The following AGBL4 variants were observed in gnomAD, a reference collection of about 807,000 sequenced individuals.
The protein encoded by AGBL4 is AGBL carboxypeptidase 4.
AGBL4 carries 58 observed loss-of-function variants against 66.4 expected under a neutral mutation model. The ratio of observed to expected loss-of-function variants is 0.87; its 90% CI spans 0.71 to 1.09. The LOEUF is 1.09. Ranked by LOEUF, AGBL4 falls within the 50% of genes least tolerant of loss-of-function variation. The probability of loss-of-function intolerance (pLI) is 0.00; values close to 1 mark genes in which losing one functional copy is unlikely to be tolerated. For synonymous variants in AGBL4, 234 were observed against 222.9 expected, an observed-to-expected ratio of 1.05 and a Z score of -0.44; for missense variants, 579 against 631.0, an observed-to-expected ratio of 0.92 and a Z score of 0.88.
chr1:49,039,307 CA>C (rs1664917095), intron 5 of AGBL4, among the ~76,000 whole-genome samples: 1 of 152,026 alleles, frequency 6.6e-6, no homozygotes, highest in Non-Finnish European at 1.5e-5. Context: ...GTACAACACC[CA>C]GAGTGAACTC....
At chr1:49,093,300 C>T (rs1645033242) in intron 4 of AGBL4, among the ~76,000 whole-genome samples, 1 of 152,254 alleles carries the variant, frequency 6.6e-6, no homozygotes, top group East Asian at 1.9e-4. Context: ...GAAAACAACA[C>T]AACGCATCTT....
chr1:49,388,170 T>A (rs1570593110), intron 3 of AGBL4, among the ~76,000 whole-genome samples: 1 of 152,154 alleles, frequency 6.6e-6, no homozygotes, highest in Admixed American at 6.6e-5. Context: ...TAATCATTTT[T>A]AAATTCTAAT....
At chr1:49,742,040 G>C (rs1342607723) in intron 2 of AGBL4, among the ~76,000 whole-genome samples, 1 of 152,208 alleles carries the variant, frequency 6.6e-6, no homozygotes, top group Non-Finnish European at 1.5e-5. Context: ...AGTGTTGGAA[G>C]TTCTGGCCAG....
intron 3 of AGBL4, among the ~76,000 whole-genome samples, chr1:49,371,218 T>C (rs61783595): frequency 0.027 from 3,972 of 149,344 alleles, 151 homozygotes; most frequent in Admixed American, 0.12. Context: ...AGAAGATAGA[T>C]AGATAGATAT....
intron 3 of AGBL4, among the ~76,000 whole-genome samples, chr1:49,367,922 C>A (rs774684080): frequency 3.3e-5 from 5 of 152,114 alleles, no homozygotes; most frequent in Admixed American, 6.5e-5. Context: ...TTCCTCATCG[C>A]CCCCACTCCT....
chr1:49,709,029 G>A (rs554661082), intron 2 of AGBL4, among the ~76,000 whole-genome samples: 12 of 152,292 alleles, frequency 7.9e-5, no homozygotes, highest in Admixed American at 2.0e-4. Context: ...CAGGAGGCAC[G>A]GTGGTCAGGG....
At chr1:49,407,982 G>A (rs756757633) in intron 3 of AGBL4, among the ~76,000 whole-genome samples, 5 of 152,176 alleles carry the variant, frequency 3.3e-5, no homozygotes, top group Non-Finnish European at 5.9e-5. Flanking sequence ...GGCTAACCCT[G>A]CTCCCAGGTT....
intron 3 of AGBL4, among the ~76,000 whole-genome samples, chr1:49,562,082 G>GT (rs1178878408): frequency 6.6e-6 from 1 of 152,132 alleles, no homozygotes. Flanking sequence ...TTTTTCAGGT[G>GT]TTTTTTGGCT....
At chr1:49,577,110 T>C (rs1010602894) in intron 3 of AGBL4, among the ~76,000 whole-genome samples, 1 of 152,118 alleles carries the variant, frequency 6.6e-6, no homozygotes, top group African/African-American at 2.4e-5. Context: ...ACAAAGAAAT[T>C]TGGGGACAAG....
chr1:48,812,296 G>T (rs552300131), intron 6 of AGBL4, among the ~76,000 whole-genome samples: 1 of 152,276 alleles, frequency 6.6e-6, no homozygotes, highest in South Asian at 2.1e-4. Flanking sequence ...GGGAGAGGAT[G>T]AGTATGATTT....
intron 11 of AGBL4, among the ~76,000 whole-genome samples, chr1:48,550,928 C>T (rs1420084528): frequency 6.6e-6 from 1 of 152,202 alleles, no homozygotes; most frequent in Non-Finnish European, 1.5e-5. Flanking sequence ...ACATAGTAAA[C>T]CTGCTCCTCC....
chr1:48,953,818 G>T (rs1433550934), intron 5 of AGBL4, among the ~76,000 whole-genome samples: 1 of 152,164 alleles, frequency 6.6e-6, no homozygotes, highest in African/African-American at 2.4e-5. Context: ...AAAGAGACGG[G>T]CTGCTAACTG....
intron 4 of AGBL4, among the ~76,000 whole-genome samples, chr1:49,093,745 A>G (rs924202633): frequency 6.6e-6 from 1 of 152,144 alleles, no homozygotes; most frequent in African/African-American, 2.4e-5. Context: ...GAGAGCCAAA[A>G]CCAAAACCTA....
At chr1:49,539,113 G>A (rs2148822098) in intron 3 of AGBL4, among the ~76,000 whole-genome samples, 1 of 152,142 alleles carries the variant, frequency 6.6e-6, no homozygotes, top group Non-Finnish European at 1.5e-5. Context: ...GATATGTTAT[G>A]TAGTATATTT....
At chr1:48,610,544 T>C (rs1353213222) in intron 9 of AGBL4, among the ~76,000 whole-genome samples, 3 of 152,202 alleles carry the variant, frequency 2.0e-5, no homozygotes, top group Middle Eastern at 3.2e-3. Flanking sequence ...ATTCTGAAGA[T>C]AAAAGATGAT....
At chr1:48,770,907 T>C (rs888791776) in intron 6 of AGBL4, among the ~76,000 whole-genome samples, 2 of 152,174 alleles carry the variant, frequency 1.3e-5, no homozygotes, top group Non-Finnish European at 2.9e-5. Context: ...CTGACTCATA[T>C]TTATCCACAA....
At chr1:49,124,686 G>T (rs1403899382) in intron 4 of AGBL4, among the ~76,000 whole-genome samples, 1 of 152,184 alleles carries the variant, frequency 6.6e-6, no homozygotes, top group African/African-American at 2.4e-5. Context: ...ATCATACAGG[G>T]TTGTTAAGAT....
At chr1:48,637,428 T>C (rs986646119) in intron 8 of AGBL4, among the ~76,000 whole-genome samples, 1 of 152,198 alleles carries the variant, frequency 6.6e-6, no homozygotes, top group Non-Finnish European at 1.5e-5. Context: ...GGGTTGAATG[T>C]GGTGAGTTTG....
intron 3 of AGBL4, among the ~76,000 whole-genome samples, chr1:49,286,844 C>T (rs1644422932): frequency 6.6e-6 from 1 of 152,126 alleles, no homozygotes; most frequent in Admixed American, 6.6e-5. Context: ...ACTTTCTTCA[C>T]AGAATTGGGA....
Sources: allele counts gnomAD v4.1 joint callset (sites outside exome capture counted in the v4.1 genomes callset), GRCh38; gene constraint gnomAD v4.1.1; transcripts MANE v1.5; gene names NCBI Gene and HGNC (gene_info 2026-07-23, HGNC 2026-07-21).